The following ADAM12 variants were observed in gnomAD, a reference collection of about 807,000 sequenced individuals.
ADAM12 encodes disintegrin and metalloproteinase domain-containing protein 12.
Under a neutral mutation model 106.4 loss-of-function variants are expected in ADAM12, and 70 were observed. That is an observed-to-expected ratio of 0.66 (90% CI 0.54 to 0.80). The LOEUF is 0.80. Among genes scored for constraint, ADAM12 ranks in the 30% least tolerant of loss-of-function variants. The pLI is 0.00. For missense variants in ADAM12, 1,010 were observed against 1,171.9 expected, an observed-to-expected ratio of 0.86 and a Z score of 2.02; for synonymous variants, 420 against 433.5, an observed-to-expected ratio of 0.97 and a Z score of 0.39.
chr10:126,105,690 AG>A (rs1467695421), intron 8 of ADAM12, among the ~76,000 whole-genome samples: 25 of 152,342 alleles, frequency 1.6e-4, no homozygotes, highest in Non-Finnish European at 2.6e-4. Flanking sequence ...ACTCCCCTCC[AG>A]GGGTTCTAAT....
chr10:126,258,259 A>G (rs1257610677), intron 3 of ADAM12, among the ~76,000 whole-genome samples: 1 of 152,192 alleles, frequency 6.6e-6, no homozygotes, highest in Non-Finnish European at 1.5e-5. Flanking sequence ...CTTTGTCCTC[A>G]TTAGAGTCTG....
In ADAM12 at chr10:126,014,375, G is replaced by C. The variant is rs1375980082; in HGVS notation, c.*2904C>G. The C allele has an allele frequency of 8.3e-6, 1 of 120,204 alleles. No homozygotes were observed. The highest frequency in any genetic ancestry group is 2.8e-4 in the East Asian group (1 of 3,540). The allele number at this position is 120,204 out of a possible 1,614,324, so 7.4% of individuals were successfully genotyped here. A position where few individuals can be genotyped will look rare whatever the true frequency, so the allele number is the denominator to read the frequency against. On this transcript the variant is annotated 3_prime_UTR_variant, in exon 23 of 23. Coordinates refer to ENST00000448723, the MANE Select transcript of ADAM12 (RefSeq NM_001288973.2). Reference sequence around the variant, plus strand: ...ATGTATTGATTTGCCTGGGAACAATGGCCTATAGTTCAGCCTGAGAATTCT... The same window carrying C: ...ATGTATTGATTTGCCTGGGAACAATCGCCTATAGTTCAGCCTGAGAATTCT...
intron 3 of ADAM12, among the ~76,000 whole-genome samples, chr10:126,227,390 C>A (rs1037767986): frequency 6.6e-6 from 1 of 152,198 alleles, no homozygotes; most frequent in African/African-American, 2.4e-5. Flanking sequence ...TCATCATTTT[C>A]TCTTCATCAT....
intron 2 of ADAM12, among the ~76,000 whole-genome samples, chr10:126,298,769 G>C (rs1960488371): frequency 6.6e-6 from 1 of 151,966 alleles, no homozygotes; most frequent in South Asian, 2.1e-4. Context: ...AGAAAAGAAA[G>C]ATGCGGTATA....
chr10:126,322,630 G>A (rs1179126734), intron 2 of ADAM12, among the ~76,000 whole-genome samples: 1 of 152,208 alleles, frequency 6.6e-6, no homozygotes, highest in Non-Finnish European at 1.5e-5. Context: ...GGCATTTGCT[G>A]AGGATCCAGC....
At chr10:126,073,906 G>T (rs1289913759) in intron 11 of ADAM12, among the ~76,000 whole-genome samples, 1 of 152,160 alleles carries the variant, frequency 6.6e-6, no homozygotes, top group African/African-American at 2.4e-5. Flanking sequence ...TAATGTTTTT[G>T]CAATTTAGAA....
intron 2 of ADAM12, among the ~76,000 whole-genome samples, chr10:126,296,156 AT>A (rs1172470015): frequency 2.0e-5 from 3 of 152,038 alleles, no homozygotes; most frequent in Admixed American, 2.0e-4. Context: ...CCTGTTCCTT[AT>A]TTTTATTTTG....
chr10:126,157,728 C>A (rs886098571), intron 3 of ADAM12, among the ~76,000 whole-genome samples: 22 of 152,236 alleles, frequency 1.4e-4, no homozygotes, highest in Non-Finnish European at 2.9e-4. Context: ...GAAAGTTGCC[C>A]TCCTTGGCAG....
chr10:126,108,656 C>T lies in ADAM12; in HGVS notation c.678G>A (p.Arg226=), dbSNP rs1421279315. The T allele has an allele frequency of 6.2e-7, 1 of 1,613,744 alleles. No homozygotes were observed. Among genetic ancestry groups the T allele is most frequent in the East Asian group, 2.2e-5 (1 of 44,882 alleles). The change falls in exon 8 of 23, where the codon AGG becomes AGA. Residue 226 remains arginine, a synonymous_variant. Transcript: ENST00000448723. The part of the protein sequence containing the change: ...VIVADNREFQ[R]QGKDLEKVKQ... ...TAACTTTTTCCAGATCTTTTCCTTG[C>T]CTCTGAAACTTAACAATTTTAAATG...
intron 12 of ADAM12, 51 bp downstream of exon 12, chr10:126,071,426 T>G (rs748043243): frequency 6.3e-7 from 1 of 1,587,354 alleles, no homozygotes; most frequent in Admixed American, 1.7e-5. Flanking sequence ...CTTCTTTGCC[T>G]AGCCGAGGAT....
intron 2 of ADAM12, among the ~76,000 whole-genome samples, chr10:126,300,370 C>T (rs1328648787): frequency 2.0e-5 from 3 of 152,248 alleles, no homozygotes; most frequent in African/African-American, 7.2e-5. Flanking sequence ...TGATAGTATC[C>T]ATGGGGCTCT....
At chr10:126,258,647 CT>C (rs1250145160) in intron 3 of ADAM12, among the ~76,000 whole-genome samples, 2 of 152,188 alleles carry the variant, frequency 1.3e-5, no homozygotes, top group African/African-American at 4.8e-5. Flanking sequence ...AGCCCATGCC[CT>C]GGCATTCGGC....
At chr10:126,341,412 G>C (rs1854928030) in intron 1 of ADAM12, among the ~76,000 whole-genome samples, 1 of 152,148 alleles carries the variant, frequency 6.6e-6, no homozygotes, top group Non-Finnish European at 1.5e-5. Flanking sequence ...GACAGGAATG[G>C]GGTCCAAGGC....
In ADAM12 at chr10:126,151,327, A is replaced by G. The variant is rs193088818; in HGVS notation, c.339+3900T>C. On this transcript the variant is annotated intron_variant, in intron 4 of 22. Coordinates refer to ENST00000448723, the MANE Select transcript of ADAM12 (RefSeq NM_001288973.2). ...ACTCACAAAAGCTATTAAAATCACT[A>G]TAAGAAACAGTATAGGTTATCACAG... is the stretch of plus-strand genomic sequence containing the variant. 5.8e-3 allele frequency among the ~76,000 whole-genome samples: 881 copies of G among 152,328 alleles called. 9 individuals carry two copies. Among genetic ancestry groups the G allele is most frequent in the African/African-American group, 0.02 (849 of 41,578 alleles).
chr10:126,057,956 A>T (rs2133461445), intron 14 of ADAM12, among the ~76,000 whole-genome samples: 1 of 152,318 alleles, frequency 6.6e-6, no homozygotes, highest in Non-Finnish European at 1.5e-5. Context: ...TGCACATAAG[A>T]TTGAATCAGA....
At chr10:126,234,692 T>A (rs1958380540) in intron 3 of ADAM12, among the ~76,000 whole-genome samples, 2 of 152,150 alleles carry the variant, frequency 1.3e-5, no homozygotes, top group Admixed American at 1.3e-4. Context: ...AAAATGCAGA[T>A]CTGTATTTGC....
intron 1 of ADAM12, among the ~76,000 whole-genome samples, chr10:126,353,078 T>A (rs1301994633): frequency 6.6e-6 from 1 of 152,184 alleles, no homozygotes; most frequent in African/African-American, 2.4e-5. Context: ...TCGTGGAACA[T>A]CAGAGCATCT....
intron 2 of ADAM12, among the ~76,000 whole-genome samples, chr10:126,314,073 A>G (rs1379705643): frequency 6.6e-6 from 1 of 151,994 alleles, no homozygotes; most frequent in Non-Finnish European, 1.5e-5. Flanking sequence ...GCTCTCCTGG[A>G]CAAAAGCCAG....
chr10:126,118,198 C>T lies in ADAM12; in HGVS notation c.443G>A (p.Ser148Asn). ...LRGLIVFENESYVLEPMKSAT... is the reference protein window; with the variant it reads ...LRGLIVFENENYVLEPMKSAT... The stretch of plus-strand genomic sequence containing the variant: ...ACTTTTCATTGGTTCTAAGACATAG[C>T]TTTCATTTTCAAACACAATAAGTCC... The change falls in exon 6 of 23, where the codon AGC (serine) becomes AAC (asparagine). Residue 148 changes from serine to asparagine, a missense_variant. Coordinates refer to ENST00000448723, the MANE Select transcript of ADAM12 (RefSeq NM_001288973.2). 1 of 1,613,874 alleles carries T rather than the reference C, an allele frequency of 6.2e-7. No individual in the cohort carries two copies. The highest frequency in any genetic ancestry group is 1.1e-5 in the South Asian group (1 of 91,036).
Sources: gnomAD v4.1 joint callset for allele counts (sites outside exome capture counted in the v4.1 genomes callset) on GRCh38, gnomAD v4.1.1 for gene constraint, MANE v1.5 for transcripts, NCBI Gene and HGNC (gene_info 2026-07-23, HGNC 2026-07-21) for gene names.